NIPSNAP1: variants seen among roughly 807,000 people sequenced by gnomAD.
The protein encoded by NIPSNAP1 is nipsnap homolog 1, also known as protein NipSnap homolog 1.
NIPSNAP1 carries 25 observed loss-of-function variants against 49.2 expected under a neutral mutation model. That is an observed-to-expected ratio of 0.51 (90% CI 0.37 to 0.71). NIPSNAP1 has a LOEUF of 0.71. Among genes scored for constraint, NIPSNAP1 ranks in the 30% least tolerant of loss-of-function variants. The pLI is 0.00. For missense variants in NIPSNAP1, 294 were observed against 361.0 expected, an observed-to-expected ratio of 0.81 and a Z score of 1.50; for synonymous variants, 143 against 140.7, an observed-to-expected ratio of 1.02 and a Z score of -0.12.
At chr22:29,580,284 G>A in intron 1 of NIPSNAP1, 6 of 1,244,162 alleles carry the variant, frequency 4.8e-6, no homozygotes, top group Non-Finnish European at 6.3e-6. Flanking sequence ...AGGAGTGAGG[G>A]GCTGCCCAGG....
intron 4 of NIPSNAP1, among the ~76,000 whole-genome samples, chr22:29,562,252 A>G (rs2064340991): frequency 6.6e-6 from 1 of 152,208 alleles, no homozygotes; most frequent in South Asian, 2.1e-4. Context: ...CAGCTGAACA[A>G]AAGAACAGGG....
Position 29,561,548 on chromosome 22 carries a change from TC to T in NIPSNAP1, c.536del (p.Arg179LysfsTer9). On this transcript the variant is annotated frameshift_variant, in exon 6 of 10. Coordinates refer to ENST00000216121, the MANE Select transcript of NIPSNAP1 (RefSeq NM_003634.4). LOFTEE classifies it high-confidence loss of function. ...TCAGCTCATAGATGTTGGGACCCAT[TC>T]TGGGCTGTGGCTCATTCCAGAAGCT... ...EFSFWNEPQP[R>X]MGPNIYELRT... is the part of the protein sequence containing the mutation. The T allele has an allele frequency of 6.2e-7, 1 of 1,614,152 alleles. No individual in the cohort carries two copies. Among genetic ancestry groups the T allele is most frequent in the Non-Finnish European group, 8.5e-7 (1 of 1,180,024 alleles).
At chr22:29,558,734 G>A in intron 9 of NIPSNAP1, 136 bp downstream of exon 9, 1 of 748,268 alleles carries the variant, frequency 1.3e-6, no homozygotes, top group Non-Finnish European at 2.4e-6. Context: ...CACTTGGATA[G>A]AAACCCATTA....
chr22:29,561,622 GCTCC>G lies in NIPSNAP1; in HGVS notation c.459_462del (p.Arg153SerfsTer34), dbSNP rs758388957. 2.5e-6 allele frequency: 4 copies of G among 1,613,962 alleles called. No individual in the cohort carries two copies. Among genetic ancestry groups the G allele is most frequent in the Non-Finnish European group, 3.4e-6 (4 of 1,180,008 alleles). ...CTCCTGGACAGCAGCATCTGGCTCC[GCTCC>G]CTTCGGAACTCCAGGTACTCCTGTG... is the stretch of plus-strand genomic sequence containing the variant. On this transcript the variant is annotated frameshift_variant, in exon 6 of 10. Transcript: ENST00000216121. LOFTEE classifies it high-confidence loss of function.
At chr22:29,563,356 C>A (rs972347571) in intron 4 of NIPSNAP1, among the ~76,000 whole-genome samples, 2 of 151,466 alleles carry the variant, frequency 1.3e-5, no homozygotes, top group Non-Finnish European at 2.9e-5. Flanking sequence ...TTGGCGAAAC[C>A]CCATCTCTAC....
In NIPSNAP1 at chr22:29,555,718, C is replaced by A; in HGVS notation, c.*217G>T. ...CAGGGAAATCAGAAACTACTTCTAG[C>A]AGGGGGAGGGAGGCAGGCAGGGAAA... On this transcript the variant is annotated 3_prime_UTR_variant, in exon 10 of 10. Coordinates refer to ENST00000216121, the MANE Select transcript of NIPSNAP1 (RefSeq NM_003634.4). 1.7e-6 allele frequency: 1 copy of A among 582,020 alleles called. No individual in the cohort carries two copies. Among genetic ancestry groups the A allele is most frequent in the Non-Finnish European group, 3.1e-6 (1 of 319,832 alleles). 36.1% of individuals were successfully genotyped at this position (582,020 alleles called of 1,614,324 possible). A position where few individuals can be genotyped will look rare whatever the true frequency, so the allele number is the denominator to read the frequency against.
chr22:29,571,440 A>T (rs1233038938), intron 1 of NIPSNAP1, among the ~76,000 whole-genome samples: 1 of 152,234 alleles, frequency 6.6e-6, no homozygotes, highest in Non-Finnish European at 1.5e-5. Context: ...GAATATGATT[A>T]TGTGCTTTGC....
Position 29,581,043 on chromosome 22 carries a change from G to A in NIPSNAP1, c.40C>T (p.Arg14Trp), listed in dbSNP as rs1271615193. The change falls in exon 1 of 10, where the codon CGG becomes TGG. Residue 14 changes from arginine (R) to tryptophan (W), a missense_variant. Arg to Trp is a moderately radical substitution (Grantham distance 101). Coordinates refer to ENST00000216121, the MANE Select transcript of NIPSNAP1 (RefSeq NM_003634.4). Reference protein sequence around the residue: ...RLCSISVTARRLLGGPGPRAG... With the variant: ...RLCSISVTARWLLGGPGPRAG... ...CGAGGCCCCGGGCCCCCCAGCAGCC[G>A]CCGCGCCGTCACAGAGATGCTGCAC... The A allele has an allele frequency of 6.5e-7, 1 of 1,539,184 alleles. No individual in the cohort carries two copies.
chr22:29,555,846 G>A lies in NIPSNAP1; in HGVS notation c.*89C>T. ...CCCCTCAGAGTCCTCCCAGAGCCAAGACAAAACCAAGACAGCAGGACCAGG... is the reference window on the plus strand; with the variant it reads ...CCCCTCAGAGTCCTCCCAGAGCCAAAACAAAACCAAGACAGCAGGACCAGG... On this transcript the variant is annotated 3_prime_UTR_variant, in exon 10 of 10. Coordinates refer to ENST00000216121, the MANE Select transcript of NIPSNAP1 (RefSeq NM_003634.4). 1 of 1,277,470 alleles carries A rather than the reference G, an allele frequency of 7.8e-7. No individual in the cohort carries two copies. Among genetic ancestry groups the A allele is most frequent in the Non-Finnish European group, 1.1e-6 (1 of 897,146 alleles). The allele number at this position is 1,277,470 out of a possible 1,614,324, so 79.1% of individuals were successfully genotyped here.
At chr22:29,570,671 G>A (rs1280462199) in intron 1 of NIPSNAP1, 139 bp from the exon 2 acceptor site, 11 of 1,158,224 alleles carry the variant, frequency 9.5e-6, no homozygotes, top group Non-Finnish European at 1.2e-5. Context: ...GGCAGCTCCA[G>A]ACTGTGAAAT....
At position 29,556,018 on chromosome 22, in the gene NIPSNAP1, G is replaced by A. The variant is rs2064291726; in HGVS notation, c.791-19C>T. 2 of 1,540,520 alleles carry A rather than the reference G, an allele frequency of 1.3e-6. No homozygotes were observed. Among genetic ancestry groups the A allele is most frequent in the Non-Finnish European group, 1.8e-6 (2 of 1,140,946 alleles). ...AGGGGGACTGCGGAGAGAGAAGGCA[G>A]AGGTCACACAGGGGGCTCAAGCAAG... On this transcript the variant is annotated intron_variant, in intron 9 of 9. Transcript: ENST00000216121.
intron 4 of NIPSNAP1, among the ~76,000 whole-genome samples, chr22:29,562,452 A>G (rs2064342173): frequency 6.6e-6 from 1 of 152,152 alleles, no homozygotes; most frequent in South Asian, 2.1e-4. Context: ...AGTGGCTCAC[A>G]CCTGTAATCC....
intron 9 of NIPSNAP1, among the ~76,000 whole-genome samples, chr22:29,558,468 CAAAAATAAA>C (rs2064311262): frequency 6.6e-6 from 1 of 151,742 alleles, no homozygotes; most frequent in African/African-American, 2.4e-5. Context: ...GACTGTGTCT[CAAAAATAAA>C]TAAAATAAAA....
chr22:29,574,026 C>G (rs1237129198), intron 1 of NIPSNAP1, among the ~76,000 whole-genome samples: 1 of 151,632 alleles, frequency 6.6e-6, no homozygotes, highest in African/African-American at 2.4e-5. Context: ...GAGGCTGAGG[C>G]GGGCAGATTG....
intron 4 of NIPSNAP1, among the ~76,000 whole-genome samples, chr22:29,566,217 G>T (rs143049320): frequency 0.011 from 1,674 of 151,784 alleles, 29 homozygotes; most frequent in African/African-American, 0.039. Context: ...TGTTGCCCAG[G>T]CTGGTTTCAA....
Position 29,561,869 on chromosome 22 carries a change from G to T in NIPSNAP1, c.368-7C>A, listed in dbSNP as rs747096139. The stretch of plus-strand genomic sequence containing the variant: ...GAGAATCGCCACAGGTGCACTGTTG[G>T]GGGTGAGAGGTATAGGTCAGTGAGC... On this transcript the variant is annotated splice_polypyrimidine_tract_variant and splice_region_variant and intron_variant, in intron 4 of 9. Transcript: ENST00000216121. The T allele has an allele frequency of 6.2e-7, 1 of 1,614,034 alleles. No homozygotes were observed. Among genetic ancestry groups the T allele is most frequent in the Non-Finnish European group, 8.5e-7 (1 of 1,179,968 alleles).
chr22:29,571,095 T>G (rs547678879), intron 1 of NIPSNAP1, among the ~76,000 whole-genome samples: 1 of 152,250 alleles, frequency 6.6e-6, no homozygotes, highest in East Asian at 1.9e-4. Flanking sequence ...ACAGTGCACT[T>G]GGCCCATGTC....
chr22:29,580,839 C>G (rs2064492295), intron 1 of NIPSNAP1, 146 bp downstream of exon 1: 1 of 653,616 alleles, frequency 1.5e-6, no homozygotes, highest in Non-Finnish European at 2.5e-6. Flanking sequence ...TTTGCCCAGA[C>G]CCCTCCCTAG....
At chr22:29,574,283 A>AAAAAAG (rs2064433880) in intron 1 of NIPSNAP1, among the ~76,000 whole-genome samples, 1 of 111,208 alleles carries the variant, frequency 9.0e-6, no homozygotes, top group Non-Finnish European at 1.7e-5. Context: ...AAAAAAAAAA[A>AAAAAAG]AAAAAAAAAG....
Sources: gnomAD v4.1 joint callset for allele counts (sites outside exome capture counted in the v4.1 genomes callset) on GRCh38, gnomAD v4.1.1 for gene constraint, MANE v1.5 for transcripts, NCBI Gene and HGNC (gene_info 2026-07-23, HGNC 2026-07-21) for gene names.